The following KHDRBS2 variants were observed in gnomAD, a reference collection of about 807,000 sequenced individuals.
The protein encoded by KHDRBS2 is KH RNA binding domain containing, signal transduction associated 2, also known as KH domain-containing, RNA-binding, signal transduction-associated protein 2.
A neutral mutation model predicts 44.3 loss-of-function variants in KHDRBS2; 26 were observed. The observed-to-expected ratio is 0.59, with a 90% CI of 0.43 to 0.81. The LOEUF (loss-of-function observed/expected upper bound fraction) is 0.81, where lower values mean the gene tolerates loss of function less well. Among genes scored for constraint, KHDRBS2 ranks in the 40% least tolerant of loss-of-function variants. The pLI is 0.00. For synonymous variants in KHDRBS2, 194 were observed against 151.1 expected, an observed-to-expected ratio of 1.28 and a Z score of -2.08; for missense variants, 476 against 433.1, an observed-to-expected ratio of 1.10 and a Z score of -0.88.
At chr6:61,737,817 A>T (rs1362833239) in intron 6 of KHDRBS2, among the ~76,000 whole-genome samples, 1 of 152,056 alleles carries the variant, frequency 6.6e-6, no homozygotes, top group Non-Finnish European at 1.5e-5. Context: ...AGAACATGGA[A>T]TGTTTTACAT....
At chr6:61,677,633 GCTT>G (rs1391536267), downstream of KHDRBS2, among the ~76,000 whole-genome samples, 2 of 151,834 alleles carry the variant, frequency 1.3e-5, no homozygotes, top group African/African-American at 2.4e-5. Context: ...ACCTGTAATA[GCTT>G]CTTCTTCCTT....
At chr6:61,738,117 T>C (rs747545635) in intron 6 of KHDRBS2, among the ~76,000 whole-genome samples, 8 of 152,030 alleles carry the variant, frequency 5.3e-5, no homozygotes, top group Non-Finnish European at 8.8e-5. Flanking sequence ...CATTACTTTC[T>C]TATCATGTCC....
intron 2 of KHDRBS2, among the ~76,000 whole-genome samples, chr6:62,170,466 T>A (rs1819760912): frequency 6.6e-6 from 1 of 152,124 alleles, no homozygotes; most frequent in Non-Finnish European, 1.5e-5. Flanking sequence ...CACAGAGAAC[T>A]ACTGCCAACT....
chr6:62,169,350 G>T (rs1819542609), intron 2 of KHDRBS2, among the ~76,000 whole-genome samples: 1 of 151,536 alleles, frequency 6.6e-6, no homozygotes, highest in Non-Finnish European at 1.5e-5. Flanking sequence ...GGAATATGGA[G>T]GAACATATTG....
chr6:61,550,274 A>C, the KHDRBS2 span, among the ~76,000 whole-genome samples: 88 of 152,152 alleles, frequency 5.8e-4, 1 homozygote, highest in Admixed American at 1.2e-3. Context: ...TTCAGTTCCC[A>C]CTTAGTAGTG....
chr6:62,281,562 G>A (rs1841805888), intron 1 of KHDRBS2, among the ~76,000 whole-genome samples: 1 of 152,162 alleles, frequency 6.6e-6, no homozygotes, highest in African/African-American at 2.4e-5. Context: ...AGAGGTTGCA[G>A]TGAGCCAAAA....
chr6:61,564,831 C>T, the KHDRBS2 span, among the ~76,000 whole-genome samples: 1 of 151,984 alleles, frequency 6.6e-6, no homozygotes, highest in African/African-American at 2.4e-5. Context: ...TTCTTAATGG[C>T]CAAAGCAATC....
chr6:61,792,879 G>A (rs1017944825), intron 6 of KHDRBS2, among the ~76,000 whole-genome samples: 5 of 151,844 alleles, frequency 3.3e-5, no homozygotes, highest in African/African-American at 1.2e-4. Context: ...AATTCTAAAA[G>A]GTTTGTGGCT....
chr6:61,551,125 T>G, the KHDRBS2 span, among the ~76,000 whole-genome samples: 1 of 152,170 alleles, frequency 6.6e-6, no homozygotes, highest in Admixed American at 6.5e-5. Flanking sequence ...TGGTTAGTGA[T>G]AAGCACTTTT....
intron 1 of KHDRBS2, among the ~76,000 whole-genome samples, chr6:62,258,129 A>T (rs138550339): frequency 1.3e-5 from 2 of 152,134 alleles, no homozygotes; most frequent in East Asian, 3.9e-4. Context: ...TGTTTTGATT[A>T]AAGGGTTACT....
At chr6:61,565,065 G>T in the KHDRBS2 span, among the ~76,000 whole-genome samples, 12 of 152,084 alleles carry the variant, frequency 7.9e-5, no homozygotes, top group African/African-American at 2.9e-4. Flanking sequence ...ACACATTAAG[G>T]GAAGGGACAG....
chr6:61,787,012 T>C (rs1783922606), intron 6 of KHDRBS2, among the ~76,000 whole-genome samples: 1 of 148,954 alleles, frequency 6.7e-6, no homozygotes, highest in Non-Finnish European at 1.5e-5. Flanking sequence ...TCAGTATATT[T>C]TATATTTTAT....
chr6:61,721,671 G>A (rs1222515429), intron 7 of KHDRBS2, among the ~76,000 whole-genome samples: 1 of 123,562 alleles, frequency 8.1e-6, no homozygotes, highest in Non-Finnish European at 1.9e-5. Context: ...AGCTTAAGGA[G>A]ATTTTGGGCT....
chr6:61,796,627 CAAA>C (rs1785392111), intron 6 of KHDRBS2, among the ~76,000 whole-genome samples: 2 of 151,848 alleles, frequency 1.3e-5, no homozygotes, highest in Non-Finnish European at 1.5e-5. Flanking sequence ...TGCATAATGA[CAAA>C]AGAATCTACA....
At chr6:61,606,442 A>C in the KHDRBS2 span, among the ~76,000 whole-genome samples, 4 of 152,194 alleles carry the variant, frequency 2.6e-5, no homozygotes, top group Admixed American at 2.6e-4. Flanking sequence ...GCTGAAAATT[A>C]AAACTGACAA....
intron 7 of KHDRBS2, among the ~76,000 whole-genome samples, chr6:61,721,129 T>C (rs1582388329): frequency 6.6e-6 from 1 of 151,968 alleles, no homozygotes; most frequent in Non-Finnish European, 1.5e-5. Context: ...TTCTGTTCCA[T>C]TGATCTGTAT....
intron 7 of KHDRBS2, among the ~76,000 whole-genome samples, chr6:61,724,841 G>T (rs1378578096): frequency 4.6e-5 from 7 of 152,056 alleles, no homozygotes; most frequent in African/African-American, 1.7e-4. Context: ...GGAGACTTAG[G>T]ACTCCCATAC....
chr6:62,247,516 C>T (rs1337669464), intron 1 of KHDRBS2, among the ~76,000 whole-genome samples: 1 of 151,960 alleles, frequency 6.6e-6, no homozygotes, highest in Non-Finnish European at 1.5e-5. Context: ...GAGAAACCAA[C>T]TACACTAAAT....
At chr6:61,975,680 C>CACAG (rs148696826) in intron 4 of KHDRBS2, among the ~76,000 whole-genome samples, 149 of 149,810 alleles carry the variant, frequency 9.9e-4, no homozygotes, top group South Asian at 5.1e-3. Flanking sequence ...CACACACACA[C>CACAG]AGAGAGATAT....
Sources: gnomAD v4.1 joint callset for allele counts (sites outside exome capture counted in the v4.1 genomes callset) on GRCh38, gnomAD v4.1.1 for gene constraint, MANE v1.5 for transcripts, NCBI Gene and HGNC (gene_info 2026-07-23, HGNC 2026-07-21) for gene names.